Variants in CACNA2D4 observed in about 807,000 individuals in gnomAD.
CACNA2D4 encodes the protein voltage-dependent calcium channel subunit alpha-2/delta-4.
Under a neutral mutation model 163.8 loss-of-function variants are expected in CACNA2D4, and 157 were observed. The observed-to-expected ratio is 0.96, with a 90% CI of 0.84 to 1.09. The LOEUF is 1.09. Among genes scored for constraint, CACNA2D4 ranks in the 50% least tolerant of loss-of-function variants. The probability of loss-of-function intolerance (pLI) is 0.00; values close to 1 mark genes in which losing one functional copy is unlikely to be tolerated. For synonymous variants in CACNA2D4, 598 were observed against 586.9 expected, an observed-to-expected ratio of 1.02 and a Z score of -0.27; for missense variants, 1,410 against 1,479.9, an observed-to-expected ratio of 0.95 and a Z score of 0.78.
rs542421795 is a variant in CACNA2D4, at chr12:1,795,874, G to A, written c.3114-94C>T. ...TTCTGGAGACTTTAGTGTGGAGTTA[G>A]GGTGGCAGGGAAGCCCGGAACCATG... On this transcript the variant is annotated intron_variant, in intron 35 of 37. Coordinates refer to ENST00000382722, the MANE Select transcript of CACNA2D4 (RefSeq NM_172364.5). The A allele has an allele frequency of 3.2e-5, 27 of 842,454 alleles. No homozygotes were observed. The East Asian group carries it at 6.6e-4, about 20-fold the overall frequency. 52.2% of individuals were successfully genotyped at this position (842,454 alleles called of 1,614,324 possible).
chr12:1,795,896 C>T (rs1863108972), intron 35 of CACNA2D4, 116 bp from the exon 36 acceptor site: 1 of 743,672 alleles, frequency 1.3e-6, no homozygotes, highest in African/African-American at 1.7e-5. Context: ...AGCCCGGAAC[C>T]ATGAGGCAGG....
rs1199515582 is a variant in CACNA2D4, at chr12:1,806,221, C to T, written c.2721+4057G>A. On this transcript the variant is annotated intron_variant, in intron 29 of 37. Coordinates refer to ENST00000382722, the MANE Select transcript of CACNA2D4 (RefSeq NM_172364.5). The surrounding 1 kb of genome is among the most constrained non-coding windows in gnomAD (Gnocchi z 4.1). ...CCCCAGATTCAGGGTGACAGATCCA[C>T]TATAAATATTACAAAGCTCCACAAA... Among the ~76,000 whole-genome samples the T allele has an allele frequency of 6.6e-6, 1 of 152,192 alleles. No homozygotes were observed. Among genetic ancestry groups the T allele is most frequent in the Middle Eastern group, 3.2e-3 (1 of 316 alleles).
rs956595487 is a variant in CACNA2D4, at chr12:1,814,346, G to A, written c.2552-2623C>T. ...TTTCCCCCACTTGGTTCCATTCCAG[G>A]CTCCTCCAAGCCAAGCTGTGTGTCT... On this transcript the variant is annotated intron_variant, in intron 26 of 37. Coordinates refer to ENST00000382722, the MANE Select transcript of CACNA2D4 (RefSeq NM_172364.5). 3.3e-5 allele frequency among the ~76,000 whole-genome samples: 5 copies of A among 152,148 alleles called. No homozygotes were observed. In the East Asian group the frequency reaches 7.7e-4, roughly 23 times the overall value.
In CACNA2D4 at chr12:1,816,449, CG is replaced by C. The variant is rs1234775870; in HGVS notation, c.2552-4727del. Among the ~76,000 whole-genome samples, 3 of 141,502 alleles carry C rather than the reference CG, an allele frequency of 2.1e-5. No homozygotes were observed. In the East Asian group the frequency reaches 5.8e-4, roughly 27 times the overall value. The allele number at this position is 141,502 out of a possible 152,430, so 92.8% of individuals were successfully genotyped here. A position where few individuals can be genotyped will look rare whatever the true frequency, so the allele number is the denominator to read the frequency against. On this transcript the variant is annotated intron_variant, in intron 26 of 37. Transcript: ENST00000382722. Reference sequence around the variant, plus strand: ...AATCTCAGACCCCTTCCTGCCCCAGCGGGCCTCCTGCCCCAGCTGACCTGGG... The same window carrying C: ...AATCTCAGACCCCTTCCTGCCCCAGCGGCCTCCTGCCCCAGCTGACCTGGG...
In CACNA2D4 at chr12:1,853,981, T is replaced by C. The variant is rs765032473; in HGVS notation, c.2216A>G (p.Tyr739Cys). 2 of 1,613,296 alleles carry C rather than the reference T, an allele frequency of 1.2e-6. No individual in the cohort carries two copies. Among genetic ancestry groups the C allele is most frequent in the Non-Finnish European group, 1.7e-6 (2 of 1,179,524 alleles). Reference protein sequence around the residue: ...DAVVTAPMEAYWTALALNMSE... With the variant: ...DAVVTAPMEACWTALALNMSE... ...CATGTTGAGGGCCAGCGCTGTCCAG[T>C]AGGCTTCCATGGGGGCTGTCACCAC... Residue 739 changes from tyrosine (Y) to cysteine (C), a missense_variant, in exon 23 of 38, where the codon TAC becomes TGC. Coordinates refer to ENST00000382722, the MANE Select transcript of CACNA2D4 (RefSeq NM_172364.5).
intron 37 of CACNA2D4, 69 bp from the exon 38 acceptor site, chr12:1,793,828 A>G: frequency 7.4e-7 from 1 of 1,353,502 alleles, no homozygotes. Context: ...AGGGGCTTCC[A>G]CCACTAATTT....
intron 6 of CACNA2D4, among the ~76,000 whole-genome samples, chr12:1,895,188 C>A (rs185742128): frequency 2.0e-5 from 3 of 151,936 alleles, no homozygotes; most frequent in Admixed American, 2.0e-4. Context: ...AGGTGAAGGA[C>A]CTGCATAAGG....
intron 18 of CACNA2D4, among the ~76,000 whole-genome samples, chr12:1,873,410 C>G (rs1443728705): frequency 1.3e-5 from 2 of 152,214 alleles, no homozygotes; most frequent in African/African-American, 4.8e-5. Flanking sequence ...GGTTAGGACT[C>G]TGCCTCAGTG....
At chr12:1,904,444 C>T (rs1006795729) in intron 6 of CACNA2D4, among the ~76,000 whole-genome samples, 19 of 151,920 alleles carry the variant, frequency 1.3e-4, no homozygotes, top group African/African-American at 4.1e-4. Flanking sequence ...ATGATTATTA[C>T]ACATTGTATG....
At chr12:1,876,024 C>T (rs922092495) in intron 16 of CACNA2D4, among the ~76,000 whole-genome samples, 7 of 152,182 alleles carry the variant, frequency 4.6e-5, no homozygotes, top group Non-Finnish European at 7.3e-5. Context: ...AGATTTCAGA[C>T]AGTTCAGTCC....
chr12:1,799,670 C>T lies in CACNA2D4; in HGVS notation c.2995+5G>A. ...AGCAGGGATGGCCTCAGCTGGGCTACTTACAGTGATGGAAGACACTTTTGG... is the reference window on the plus strand; with the variant it reads ...AGCAGGGATGGCCTCAGCTGGGCTATTTACAGTGATGGAAGACACTTTTGG... On this transcript the variant is annotated splice_donor_5th_base_variant and intron_variant, in intron 34 of 37. Transcript: ENST00000382722. The surrounding 1 kb of genome is among the most constrained non-coding windows in gnomAD (Gnocchi z 4.7). 1.3e-6 allele frequency: 2 copies of T among 1,568,898 alleles called. No individual in the cohort carries two copies. The highest frequency in any genetic ancestry group is 1.7e-6 in the Non-Finnish European group (2 of 1,157,190).
intron 29 of CACNA2D4, among the ~76,000 whole-genome samples, chr12:1,807,547 C>CG (rs1430945592): frequency 1.3e-5 from 2 of 152,030 alleles, no homozygotes; most frequent in Non-Finnish European, 2.9e-5. Flanking sequence ...GACAGAGGGT[C>CG]GGACAGCTGA....
At chr12:1,858,775 A>T (rs555886000) in intron 19 of CACNA2D4, 131 bp from the exon 20 acceptor site, 94 of 578,744 alleles carry the variant, frequency 1.6e-4, no homozygotes, top group Non-Finnish European at 2.4e-4. Flanking sequence ...TGTGCTCCTC[A>T]TGCCCCCTTC....
chr12:1,850,183 C>A (rs1865242068), intron 23 of CACNA2D4, among the ~76,000 whole-genome samples: 1 of 152,174 alleles, frequency 6.6e-6, no homozygotes, highest in African/African-American at 2.4e-5. Flanking sequence ...CATTTCGTAT[C>A]CCACCCACAA....
chr12:1,888,607 A>G (rs1356684745), intron 6 of CACNA2D4, among the ~76,000 whole-genome samples: 3 of 152,250 alleles, frequency 2.0e-5, no homozygotes, highest in Non-Finnish European at 4.4e-5. Flanking sequence ...CCTTGCAAAT[A>G]TGAAGCTTTC....
chr12:1,874,941 A>G lies in CACNA2D4; in HGVS notation c.1807-266T>C, dbSNP rs1865852915. ...AAGTTGCTGGGACATAATTTCCTCT[A>G]GGACGAGATATTGCAATCAAAAGCC... On this transcript the variant is annotated intron_variant, in intron 17 of 37. Transcript: ENST00000382722. The surrounding 1 kb of genome is among the most constrained non-coding windows in gnomAD (Gnocchi z 4.4). Among the ~76,000 whole-genome samples the G allele has an allele frequency of 2.0e-5, 3 of 152,238 alleles. No individual in the cohort carries two copies.
intron 26 of CACNA2D4, among the ~76,000 whole-genome samples, chr12:1,840,222 G>A (rs1209206825): frequency 1.3e-5 from 2 of 151,940 alleles, no homozygotes; most frequent in African/African-American, 4.8e-5. Flanking sequence ...GTAAATACTC[G>A]GTAAATATTA....
intron 29 of CACNA2D4, among the ~76,000 whole-genome samples, chr12:1,803,133 C>T (rs1382478832): frequency 6.6e-6 from 1 of 152,244 alleles, no homozygotes; most frequent in Non-Finnish European, 1.5e-5. Context: ...AGCTGAGGCA[C>T]ATGGGCCTGG....
intron 20 of CACNA2D4, among the ~76,000 whole-genome samples, chr12:1,856,906 A>T (rs1865413098): frequency 6.6e-6 from 1 of 152,166 alleles, no homozygotes; most frequent in Admixed American, 6.5e-5. Flanking sequence ...GGAGCCTCAC[A>T]AGGGCTGCTG....
Sources: gnomAD v4.1 joint callset for allele counts (sites outside exome capture counted in the v4.1 genomes callset) on GRCh38, gnomAD v4.1.1 for gene constraint, Gnocchi (gnomAD v3.1) non-coding constraint, MANE v1.5 for transcripts, NCBI Gene and HGNC (gene_info 2026-07-23, HGNC 2026-07-21) for gene names.